GRIP1: variants seen among roughly 807,000 people sequenced by gnomAD.
GRIP1 encodes glutamate receptor interacting protein 1, also known as glutamate receptor-interacting protein 1.
GRIP1 carries 45 observed loss-of-function variants against 129.9 expected under a neutral mutation model. The observed-to-expected ratio is 0.35, with a 90% CI of 0.27 to 0.44. The LOEUF (loss-of-function observed/expected upper bound fraction) is 0.44, where lower values mean the gene tolerates loss of function less well. Ranked by LOEUF, GRIP1 falls within the 20% of genes least tolerant of loss-of-function variation. The pLI, the probability that GRIP1 is intolerant of heterozygous loss-of-function variation, is 1.00. For missense variants in GRIP1, 1,196 were observed against 1,396.8 expected, an observed-to-expected ratio of 0.86 and a Z score of 2.29; for synonymous variants, 530 against 520.8, an observed-to-expected ratio of 1.02 and a Z score of -0.24.
chr12:66,737,902 T>C (rs904587461), intron 1 of GRIP1, among the ~76,000 whole-genome samples: 1 of 152,144 alleles, frequency 6.6e-6, no homozygotes, highest in African/African-American at 2.4e-5. Context: ...CCTAATACAG[T>C]TGTGATCACG....
intron 1 of GRIP1, among the ~76,000 whole-genome samples, chr12:66,912,453 T>C (rs2041046005): frequency 6.6e-6 from 1 of 152,138 alleles, no homozygotes; most frequent in East Asian, 1.9e-4. Context: ...AAATGTGACT[T>C]TGATCTTCCT....
At chr12:66,998,460 T>C (rs1389783726) in intron 1 of GRIP1, among the ~76,000 whole-genome samples, 1 of 152,152 alleles carries the variant, frequency 6.6e-6, no homozygotes, top group Non-Finnish European at 1.5e-5. Flanking sequence ...ACAACCCTCC[T>C]GGCTAGCTCT....
chr12:66,762,923 T>C (rs368758828), intron 1 of GRIP1, among the ~76,000 whole-genome samples: 11 of 152,166 alleles, frequency 7.2e-5, no homozygotes, highest in African/African-American at 2.7e-4. Context: ...GCTTAATGTG[T>C]TTTGTATATG....
rs2039775639 is a variant in GRIP1 at position 66,844,342 on chromosome 12, T to C, written c.58+224708A>G. ...AATAGCCAATTAGCACACGAAAATATGCTCAACATCACTACTTATTAGGAA... is the reference window on the plus strand; with the variant it reads ...AATAGCCAATTAGCACACGAAAATACGCTCAACATCACTACTTATTAGGAA... On this transcript the variant is annotated intron_variant, in intron 1 of 1. Transcript: ENST00000643019. 2.0e-5 allele frequency among the ~76,000 whole-genome samples: 3 copies of C among 152,196 alleles called. No homozygotes were observed. In the South Asian group the frequency reaches 6.2e-4, roughly 32 times the overall value.
At chr12:66,834,310 T>C (rs1056689898) in intron 1 of GRIP1, among the ~76,000 whole-genome samples, 5 of 152,128 alleles carry the variant, frequency 3.3e-5, no homozygotes, top group Non-Finnish European at 1.5e-5. Flanking sequence ...ACACAGTTAC[T>C]GAGTGGCAAA....
intron 16 of GRIP1, among the ~76,000 whole-genome samples, chr12:66,404,659 T>A (rs2057125477): frequency 6.6e-6 from 1 of 152,206 alleles, no homozygotes; most frequent in Non-Finnish European, 1.5e-5. Flanking sequence ...TAATCTTATA[T>A]AACCTATGAA....
In GRIP1 at chr12:67,068,482, C is replaced by T. The variant is rs1219670567; in HGVS notation, c.58+568G>A. On this transcript the variant is annotated intron_variant, in intron 1 of 1. Transcript: ENST00000643019. ...GGGGACAATCTTTCCCCTCCTCTCC[C>T]CTTCTAGAGACCTGCGGCAGCGCCC... Among the ~76,000 whole-genome samples, 4 of 152,114 alleles carry T rather than the reference C, an allele frequency of 2.6e-5. No individual in the cohort carries two copies. The East Asian group carries it at 5.8e-4, about 22-fold the overall frequency.
chr12:66,939,257 T>A (rs2041543879), intron 1 of GRIP1, among the ~76,000 whole-genome samples: 1 of 151,774 alleles, frequency 6.6e-6, no homozygotes, highest in Non-Finnish European at 1.5e-5. Flanking sequence ...GAGACTGAGG[T>A]GGAGGATTGA....
intron 1 of GRIP1, among the ~76,000 whole-genome samples, chr12:66,965,938 G>A (rs1367254415): frequency 1.3e-5 from 2 of 152,128 alleles, no homozygotes; most frequent in African/African-American, 4.8e-5. Context: ...TCTCCATACT[G>A]ACACTTCACA....
upstream of GRIP1, among the ~76,000 whole-genome samples, chr12:66,681,107 T>C (rs979563319): frequency 2.0e-5 from 3 of 152,124 alleles, no homozygotes; most frequent in South Asian, 2.1e-4. Context: ...AACTAGGGGA[T>C]TGTTTTTTCT....
At chr12:66,757,308 C>A (rs1455618091) in intron 1 of GRIP1, among the ~76,000 whole-genome samples, 2 of 152,084 alleles carry the variant, frequency 1.3e-5, no homozygotes, top group Non-Finnish European at 2.9e-5. Flanking sequence ...TTTTTAGCAC[C>A]CACAAATAAG....
chr12:66,919,937 T>G (rs1592345314), intron 1 of GRIP1, among the ~76,000 whole-genome samples: 1 of 152,174 alleles, frequency 6.6e-6, no homozygotes, highest in Non-Finnish European at 1.5e-5. Flanking sequence ...TTGAATATAT[T>G]ATATAATCAA....
At chr12:66,561,494 A>G (rs1018845695) in intron 2 of GRIP1, among the ~76,000 whole-genome samples, 1 of 152,234 alleles carries the variant, frequency 6.6e-6, no homozygotes, top group African/African-American at 2.4e-5. Flanking sequence ...CTAAAAAAAA[A>G]GAAATACTGA....
rs2058457953 is a variant in GRIP1 at position 66,441,017 on chromosome 12, T to G, written c.1687+3567A>C. On this transcript the variant is annotated intron_variant, in intron 13 of 24. Coordinates refer to ENST00000359742, the MANE Select transcript of GRIP1 (RefSeq NM_001366722.1). Reference sequence around the variant, plus strand: ...TTTCCGGCCAAACTCTCTTCCAAAATCCAGTTCCTAAAGCAGACAGCAAGC... The same window carrying G: ...TTTCCGGCCAAACTCTCTTCCAAAAGCCAGTTCCTAAAGCAGACAGCAAGC... Among the ~76,000 whole-genome samples the G allele has an allele frequency of 2.6e-5, 4 of 152,206 alleles. 1 individual carries two copies. The South Asian group carries it at 8.3e-4, about 32-fold the overall frequency.
chr12:67,023,680 A>G (rs1364062445), intron 1 of GRIP1, among the ~76,000 whole-genome samples: 1 of 152,008 alleles, frequency 6.6e-6, no homozygotes, highest in Non-Finnish European at 1.5e-5. Context: ...TTGGGATTAC[A>G]TTGAATCTAT....
In GRIP1 at chr12:66,392,340, C is replaced by T. The variant is rs746288453; in HGVS notation, c.2432G>A (p.Gly811Glu). ...SVDSAVDSWD[G>E]SAIDTSYGTQ... is the part of the protein sequence containing the mutation. ...TCCATAGCTGGTGTCTATTGCAGAC[C>T]CATCCCATGAATCCACAGCACTGTC... The change falls in exon 19 of 25, where the codon GGG becomes GAG. Residue 811 changes from glycine to glutamate, a missense_variant. Physicochemically the swap from Gly to Glu is moderately conservative, Grantham distance 98. Transcript: ENST00000359742. 15 of 1,612,494 alleles carry T rather than the reference C, an allele frequency of 9.3e-6. No individual in the cohort carries two copies. Among genetic ancestry groups the T allele is most frequent in the African/African-American group, 6.7e-5 (5 of 74,834 alleles).
At chr12:66,918,522 C>G (rs898783591) in intron 1 of GRIP1, among the ~76,000 whole-genome samples, 5 of 152,150 alleles carry the variant, frequency 3.3e-5, no homozygotes, top group Non-Finnish European at 7.3e-5. Flanking sequence ...TCACCCCAAC[C>G]AATGATATTC....
At chr12:66,684,483 A>G (rs2034704657) in intron 1 of GRIP1, among the ~76,000 whole-genome samples, 1 of 152,160 alleles carries the variant, frequency 6.6e-6, no homozygotes, top group South Asian at 2.1e-4. Flanking sequence ...CTAGGGCTCC[A>G]GCAATGACTT....
chr12:66,923,706 C>T (rs920650576), intron 1 of GRIP1, among the ~76,000 whole-genome samples: 2 of 152,210 alleles, frequency 1.3e-5, no homozygotes, highest in Middle Eastern at 3.2e-3. Flanking sequence ...GAAATCCCAG[C>T]TCTGCTATCC....
Sources: gnomAD v4.1 joint callset for allele counts (sites outside exome capture counted in the v4.1 genomes callset) on GRCh38, gnomAD v4.1.1 for gene constraint, MANE v1.5 for transcripts, NCBI Gene and HGNC (gene_info 2026-07-23, HGNC 2026-07-21) for gene names.